Variants in CREBBP observed in about 807,000 individuals in gnomAD.
CREBBP encodes the protein CREB-binding protein.
A neutral mutation model predicts 265.0 loss-of-function variants in CREBBP; 19 were observed. The observed-to-expected ratio is 0.07, with a 90% CI of 0.05 to 0.11. The LOEUF (loss-of-function observed/expected upper bound fraction) is 0.11, where lower values mean the gene tolerates loss of function less well. CREBBP is among the 10% of genes least tolerant of loss of function. The probability of loss-of-function intolerance (pLI) is 1.00; values close to 1 mark genes in which losing one functional copy is unlikely to be tolerated. For synonymous variants in CREBBP, 1,457 were observed against 1,223.7 expected (o/e 1.19, Z -3.98); for missense variants, 2,525 against 3,219.0 (o/e 0.78, Z 5.22).
chr16:3,856,432 T>C (rs2054965686), intron 1 of CREBBP, among the ~76,000 whole-genome samples: 1 of 152,230 alleles, frequency 6.6e-6, no homozygotes, highest in African/African-American at 2.4e-5. Context: ...CTGATTTTTG[T>C]ACTGTTTTGG....
intron 1 of CREBBP, among the ~76,000 whole-genome samples, chr16:3,852,175 T>G (rs1233042394): frequency 8.5e-6 from 1 of 117,582 alleles, no homozygotes; most frequent in East Asian, 2.4e-4. Flanking sequence ...TTTTTTTTTT[T>G]TTTTTTTGAG....
rs2055499103 is a variant in CREBBP at position 3,880,097 on chromosome 16, A to AGCCACAGCAACAGCGC, written c.-197_-182dup. 3 of 268,694 alleles carry AGCCACAGCAACAGCGC rather than the reference A, an allele frequency of 1.1e-5. No individual in the cohort carries two copies. Among genetic ancestry groups the AGCCACAGCAACAGCGC allele is most frequent in the Non-Finnish European group, 2.0e-5 (3 of 151,366 alleles). The allele number at this position is 268,694 out of a possible 1,614,324, so 16.6% of individuals were successfully genotyped here. A position where few individuals can be genotyped will look rare whatever the true frequency, so the allele number is the denominator to read the frequency against. On this transcript the variant is annotated 5_prime_UTR_variant, in exon 1 of 31. Transcript: ENST00000262367. ...GTGGGGGAGGCGGCGGCCAAATCTC[A>AGCCACAGCAACAGCGC]GCCACAGCAACAGCGCCCCGCAGCG...
intron 2 of CREBBP, among the ~76,000 whole-genome samples, chr16:3,835,582 T>C (rs1019858412): frequency 9.4e-5 from 14 of 148,342 alleles, no homozygotes; most frequent in African/African-American, 3.5e-4. Context: ...TCTTCTTTTT[T>C]TTTTTTTTTT....
At chr16:3,756,966 C>G (rs2052600319) in intron 19 of CREBBP, among the ~76,000 whole-genome samples, 1 of 152,154 alleles carries the variant, frequency 6.6e-6, no homozygotes. Context: ...TAAAAGTACG[C>G]TTTATAACTA....
chr16:3,828,159 C>T (rs985891361), intron 2 of CREBBP, among the ~76,000 whole-genome samples: 2 of 152,014 alleles, frequency 1.3e-5, no homozygotes, highest in African/African-American at 4.8e-5. Flanking sequence ...GTGGCGCAAC[C>T]TCGGCTCACC....
chr16:3,756,872 T>C (rs960311973), intron 19 of CREBBP, among the ~76,000 whole-genome samples: 4 of 152,200 alleles, frequency 2.6e-5, no homozygotes, highest in African/African-American at 7.2e-5. Flanking sequence ...GGCTGCGTTT[T>C]AGAACGGGCA....
At chr16:3,760,403 T>G (rs866854172) in intron 16 of CREBBP, among the ~76,000 whole-genome samples, 8 of 128,132 alleles carry the variant, frequency 6.2e-5, no homozygotes, top group East Asian at 2.2e-4. Flanking sequence ...TTTTTTTTTT[T>G]TTTTTTTTTT....
At chr16:3,740,606 A>G in intron 23 of CREBBP, 57 bp from the exon 24 acceptor site, 3 of 1,601,124 alleles carry the variant, frequency 1.9e-6, no homozygotes, top group Non-Finnish European at 2.6e-6. Context: ...TGAGACAGTG[A>G]CTGAGACTAG....
chr16:3,862,956 GA>G (rs1259499697), intron 1 of CREBBP, among the ~76,000 whole-genome samples: 1 of 152,130 alleles, frequency 6.6e-6, no homozygotes, highest in Non-Finnish European at 1.5e-5. Context: ...CTTTTACACG[GA>G]AATGTGCTTA....
chr16:3,745,345 A>G lies in CREBBP; in HGVS notation c.3846T>C (p.Asp1282=), dbSNP rs1219633810. ...GCATCTTCCGGCCACACTCCTTGCAATCAACGAAACTAGGAGGCAAAGAAG... is the reference window on the plus strand; with the variant it reads ...GCATCTTCCGGCCACACTCCTTGCAGTCAACGAAACTAGGAGGCAAAGAAG... ...NDTLDPEPFV[D]CKECGRKMHQ... Residue 1282 remains aspartate, a synonymous_variant, in exon 22 of 31, where the codon GAT becomes GAC. Coordinates refer to ENST00000262367, the MANE Select transcript of CREBBP (RefSeq NM_004380.3). The G allele has an allele frequency of 3.1e-6, 5 of 1,613,946 alleles. No homozygotes were observed. Among genetic ancestry groups the G allele is most frequent in the East Asian group, 4.5e-5 (2 of 44,892 alleles).
rs11866185 is a variant in CREBBP at position 3,865,962 on chromosome 16, C to T, written c.85+13870G>A. Among the ~76,000 whole-genome samples the T allele has an allele frequency of 9.1e-3, 1,378 of 152,168 alleles. 15 individuals are homozygous for T. Among genetic ancestry groups the T allele is most frequent in the African/African-American group, 0.03 (1,260 of 41,538 alleles). On this transcript the variant is annotated intron_variant, in intron 1 of 30. Transcript: ENST00000262367. ...AGAAACTGATTTTTTTTTAAGGCACCCCCACTGGGGATATACTGGCCCAGG... is the reference window on the plus strand; with the variant it reads ...AGAAACTGATTTTTTTTTAAGGCACTCCCACTGGGGATATACTGGCCCAGG...
At chr16:3,875,523 A>G (rs2055382032) in intron 1 of CREBBP, among the ~76,000 whole-genome samples, 1 of 152,106 alleles carries the variant, frequency 6.6e-6, no homozygotes, top group South Asian at 2.1e-4. Flanking sequence ...AGGAGGAAGA[A>G]TACACTCCTG....
In CREBBP at chr16:3,727,806, G is replaced by A. The variant is rs2151298345; in HGVS notation, c.7241C>T (p.Thr2414Ile). ...GCTGGACAGCGCACTCCTGCTGGGG[G>A]TGTTCAGCTGGGGGAGCATTGCACT... ...EQSAMLPQLN[T>I]PSRSALSSEL... The change falls in exon 31 of 31, where the codon ACC (threonine) becomes ATC (isoleucine). Residue 2414 changes from threonine to isoleucine, a missense_variant. By Grantham distance (89) the Thr-to-Ile change is moderately conservative (BLOSUM62 -1). Coordinates refer to ENST00000262367, the MANE Select transcript of CREBBP (RefSeq NM_004380.3). 6.2e-7 allele frequency: 1 copy of A among 1,614,202 alleles called. No homozygotes were observed. Among genetic ancestry groups the A allele is most frequent in the Non-Finnish European group, 8.5e-7 (1 of 1,180,050 alleles).
At chr16:3,839,639 G>A (rs1271242280) in intron 2 of CREBBP, among the ~76,000 whole-genome samples, 3 of 145,154 alleles carry the variant, frequency 2.1e-5, no homozygotes, top group Non-Finnish European at 4.5e-5. Context: ...CCGAGATCAC[G>A]CCATTGCACT....
intron 13 of CREBBP, chr16:3,773,511 C>A: frequency 3.8e-6 from 2 of 532,218 alleles, no homozygotes; most frequent in South Asian, 2.4e-5. Context: ...GCATACAAAC[C>A]AAAAATTCTA....
At chr16:3,775,583 C>G (rs2053118375) in intron 11 of CREBBP, among the ~76,000 whole-genome samples, 1 of 152,092 alleles carries the variant, frequency 6.6e-6, no homozygotes, top group African/African-American at 2.4e-5. Flanking sequence ...GAAATGGTAC[C>G]CTCAAATAAC....
intron 5 of CREBBP, among the ~76,000 whole-genome samples, chr16:3,788,322 G>C (rs1478261973): frequency 1.3e-5 from 2 of 152,228 alleles, no homozygotes; most frequent in Non-Finnish European, 2.9e-5. Context: ...TAAAAATGCA[G>C]GTTTTAATAT....
intron 5 of CREBBP, among the ~76,000 whole-genome samples, chr16:3,786,873 G>C (rs2005483): frequency 0.041 from 6,220 of 152,086 alleles, 434 homozygotes; most frequent in African/African-American, 0.14. Flanking sequence ...AGGAGTTCAA[G>C]ACCAGCCTGG....
intron 1 of CREBBP, among the ~76,000 whole-genome samples, chr16:3,877,727 T>C (rs1168908712): frequency 6.6e-6 from 1 of 152,248 alleles, no homozygotes; most frequent in South Asian, 2.1e-4. Context: ...ATGTGCTTGA[T>C]AATGAGCCCT....
Sources: allele counts gnomAD v4.1 joint callset (sites outside exome capture counted in the v4.1 genomes callset), GRCh38; gene constraint gnomAD v4.1.1; transcripts MANE v1.5; gene names NCBI Gene and HGNC (gene_info 2026-07-23, HGNC 2026-07-21).